The following IQGAP2 variants were observed in gnomAD, a reference collection of about 807,000 sequenced individuals.
The protein encoded by IQGAP2 is ras GTPase-activating-like protein IQGAP2.
A neutral mutation model predicts 201.3 loss-of-function variants in IQGAP2; 173 were observed. The ratio of observed to expected loss-of-function variants is 0.86; its 90% CI spans 0.76 to 0.98. IQGAP2 has a LOEUF of 0.98. Among genes scored for constraint, IQGAP2 ranks in the 50% least tolerant of loss-of-function variants. The pLI is 0.00. For synonymous variants in IQGAP2, 675 were observed against 673.9 expected, an observed-to-expected ratio of 1.00 and a Z score of -0.03; for missense variants, 1,687 against 1,864.8, an observed-to-expected ratio of 0.90 and a Z score of 1.76.
At position 76,403,296 on chromosome 5, in the gene IQGAP2, G is replaced by A; in HGVS notation, c.-250G>A. ...CTGGAGGAGAAAGGAAACCTGCTGC[G>A]GGAGGCGGCGGCGACCGGCCAGGGA... On this transcript the variant is annotated 5_prime_UTR_variant, in exon 1 of 36. Transcript: ENST00000274364. The surrounding 1 kb of genome is among the most constrained non-coding windows in gnomAD (Gnocchi z 4.8). 2.9e-6 allele frequency: 1 copy of A among 346,460 alleles called. No individual in the cohort carries two copies. The highest frequency in any genetic ancestry group is 5.2e-6 in the Non-Finnish European group (1 of 193,420). The allele number at this position is 346,460 out of a possible 1,614,324, so 21.5% of individuals were successfully genotyped here.
intron 1 of IQGAP2, among the ~76,000 whole-genome samples, chr5:76,452,641 A>T (rs1394066622): frequency 6.6e-6 from 1 of 152,194 alleles, no homozygotes; most frequent in East Asian, 1.9e-4. Flanking sequence ...GATTAACAAG[A>T]TATCTATAAT....
intron 4 of IQGAP2, 136 bp downstream of exon 4, chr5:76,570,793 A>C (rs967431671): frequency 1.5e-6 from 1 of 655,484 alleles, no homozygotes. Context: ...AAAACATGGA[A>C]AGACCTATCC....
intron 28 of IQGAP2, among the ~76,000 whole-genome samples, chr5:76,678,091 G>C (rs1262913600): frequency 2.6e-5 from 4 of 152,160 alleles, no homozygotes; most frequent in Non-Finnish European, 4.4e-5. Flanking sequence ...AGCTTTTCCA[G>C]TAATTTTCTG....
intron 13 of IQGAP2, among the ~76,000 whole-genome samples, chr5:76,615,001 C>A (rs934875422): frequency 2.0e-5 from 3 of 152,128 alleles, no homozygotes; most frequent in Non-Finnish European, 4.4e-5. Flanking sequence ...GATTCTGGGT[C>A]CTCTTTAGCA....
intron 30 of IQGAP2, among the ~76,000 whole-genome samples, chr5:76,690,117 G>T (rs995595363): frequency 6.6e-6 from 1 of 152,146 alleles, no homozygotes; most frequent in African/African-American, 2.4e-5. Context: ...TATTTGAAGA[G>T]CCCTGGCGCC....
At chr5:76,411,560 G>A (rs946423203) in intron 1 of IQGAP2, among the ~76,000 whole-genome samples, 8 of 152,140 alleles carry the variant, frequency 5.3e-5, no homozygotes, top group Admixed American at 5.2e-4. Context: ...ATGGGTTAAT[G>A]TTATTGTGAG....
intron 6 of IQGAP2, among the ~76,000 whole-genome samples, chr5:76,589,349 T>G (rs906517324): frequency 8.6e-5 from 13 of 151,704 alleles, no homozygotes; most frequent in Non-Finnish European, 1.8e-4. Flanking sequence ...ATACCTTTTT[T>G]CCCCATTTTG....
At chr5:76,704,104 A>G (rs1416119072) in intron 35 of IQGAP2, among the ~76,000 whole-genome samples, 1 of 152,276 alleles carries the variant, frequency 6.6e-6, no homozygotes, top group Non-Finnish European at 1.5e-5. Context: ...ATAATTAAGT[A>G]AACAGTATTG....
Position 76,570,620 on chromosome 5 carries a change from A to T in IQGAP2, c.344A>T (p.Gln115Leu). The T allele has an allele frequency of 1.2e-6, 2 of 1,613,928 alleles. No individual in the cohort carries two copies. The highest frequency in any genetic ancestry group is 1.1e-5 in the South Asian group (1 of 91,074). ...TTTCGACACACAGATAATACCGTCC[A>T]GTGGTTAAGAGCGATGGAGTCTATT... ...LHFRHTDNTV[Q>L]WLRAMESIGL... Residue 115 changes from glutamine (Q) to leucine (L), a missense_variant, in exon 4 of 36, where the codon CAG (glutamine) becomes CTG (leucine). Gln to Leu is a moderately radical substitution (Grantham distance 113). Coordinates refer to ENST00000274364, the MANE Select transcript of IQGAP2 (RefSeq NM_006633.5).
At position 76,689,945 on chromosome 5, in the gene IQGAP2, C is replaced by T. The variant is rs180721396; in HGVS notation, c.3906-3410C>T. Among the ~76,000 whole-genome samples the T allele has an allele frequency of 1.4e-4, 21 of 152,276 alleles. No individual in the cohort carries two copies. In the East Asian group the frequency reaches 3.3e-3, roughly 24 times the overall value. ...CCAAGGGGCCACACCAGCTTACAAGCGCCGTATGGGCTCATTTATCTACAG... is the reference window on the plus strand; with the variant it reads ...CCAAGGGGCCACACCAGCTTACAAGTGCCGTATGGGCTCATTTATCTACAG... On this transcript the variant is annotated intron_variant, in intron 30 of 35. Transcript: ENST00000274364.
intron 2 of IQGAP2, among the ~76,000 whole-genome samples, chr5:76,491,191 A>G (rs1382837102): frequency 6.6e-6 from 1 of 152,050 alleles, no homozygotes; most frequent in African/African-American, 2.4e-5. Flanking sequence ...ACATGATGAA[A>G]CTATTCATGT....
chr5:76,486,153 A>G (rs1414556856), intron 2 of IQGAP2, among the ~76,000 whole-genome samples: 2 of 152,212 alleles, frequency 1.3e-5, no homozygotes, highest in Non-Finnish European at 2.9e-5. Flanking sequence ...TAGAAGAAGA[A>G]TTTGCTTTGG....
At chr5:76,670,693 C>G (rs1420098351) in intron 23 of IQGAP2, among the ~76,000 whole-genome samples, 3 of 152,196 alleles carry the variant, frequency 2.0e-5, no homozygotes, top group Non-Finnish European at 2.9e-5. Flanking sequence ...GAGAGAGGCC[C>G]TAAGAATCAG....
chr5:76,640,531 T>G (rs1751488621), intron 16 of IQGAP2, among the ~76,000 whole-genome samples: 2 of 152,220 alleles, frequency 1.3e-5, no homozygotes, highest in Admixed American at 6.5e-5. Flanking sequence ...GAAAGAAGTC[T>G]GAGGACCTTA....
At chr5:76,429,646 A>G (rs1482431752) in intron 1 of IQGAP2, among the ~76,000 whole-genome samples, 1 of 146,276 alleles carries the variant, frequency 6.8e-6, no homozygotes, top group Non-Finnish European at 1.5e-5. Flanking sequence ...ACATATATGT[A>G]TATATATATG....
rs573253270 is a variant in IQGAP2 at position 76,653,474 on chromosome 5, A to G, written c.2178+641A>G. On this transcript the variant is annotated intron_variant, in intron 18 of 35. Coordinates refer to ENST00000274364, the MANE Select transcript of IQGAP2 (RefSeq NM_006633.5). ...AATCAGATTAGTTTAAAGATCTTTCAGGCCAGGCTTAGTGGCTCAAACCTG... is the reference window on the plus strand; with the variant it reads ...AATCAGATTAGTTTAAAGATCTTTCGGGCCAGGCTTAGTGGCTCAAACCTG... Among the ~76,000 whole-genome samples, 10 of 152,320 alleles carry G rather than the reference A, an allele frequency of 6.6e-5. No individual in the cohort carries two copies. The South Asian group carries it at 2.1e-3, about 32-fold the overall frequency.
intron 5 of IQGAP2, among the ~76,000 whole-genome samples, chr5:76,581,247 ACT>A (rs1190391008): frequency 2.6e-5 from 4 of 152,084 alleles, no homozygotes; most frequent in African/African-American, 9.7e-5. Context: ...TTGTCTTAAC[ACT>A]CTGTTCCCTT....
At chr5:76,438,001 G>A (rs1752798377) in intron 1 of IQGAP2, among the ~76,000 whole-genome samples, 1 of 132,014 alleles carries the variant, frequency 7.6e-6, no homozygotes, top group South Asian at 2.4e-4. Context: ...AGGTATATTG[G>A]TCTGTAGTTT....
At position 76,654,161 on chromosome 5, in the gene IQGAP2, A is replaced by T. The variant is rs780449200; in HGVS notation, c.2179-39A>T. On this transcript the variant is annotated intron_variant, in intron 18 of 35. Transcript: ENST00000274364. ...GGTGATTACTTTGACTTTTCTCTTT[A>T]TTTTTTGTTGTACTTTTCTATTTTT... 4.9e-6 allele frequency: 7 copies of T among 1,422,664 alleles called. No individual in the cohort carries two copies. In the Admixed American group the frequency reaches 5.6e-5, roughly 11 times the overall value. The allele number at this position is 1,422,664 out of a possible 1,614,324, so 88.1% of individuals were successfully genotyped here.
Sources: allele counts gnomAD v4.1 joint callset (sites outside exome capture counted in the v4.1 genomes callset), GRCh38; gene constraint gnomAD v4.1.1; non-coding constraint Gnocchi (gnomAD v3.1); transcripts MANE v1.5; gene names NCBI Gene and HGNC (gene_info 2026-07-23, HGNC 2026-07-21).